Variants in MTUS2 observed in about 807,000 individuals in gnomAD.
MTUS2 encodes the protein microtubule associated scaffold protein 2.
Under a neutral mutation model 114.1 loss-of-function variants are expected in MTUS2, and 40 were observed. The ratio of observed to expected loss-of-function variants is 0.35; its 90% CI spans 0.27 to 0.46. The LOEUF (loss-of-function observed/expected upper bound fraction) is 0.46, where lower values mean the gene tolerates loss of function less well. Ranked by LOEUF, MTUS2 falls within the 20% of genes least tolerant of loss-of-function variation. The pLI, the probability that MTUS2 is intolerant of heterozygous loss-of-function variation, is 1.00. For synonymous variants in MTUS2, 688 were observed against 672.0 expected (o/e 1.02, Z -0.37); for missense variants, 1,679 against 1,705.4 (o/e 0.98, Z 0.27).
intron 5 of MTUS2, among the ~76,000 whole-genome samples, chr13:29,281,324 A>G (rs1898256667): frequency 6.6e-6 from 1 of 152,056 alleles, no homozygotes; most frequent in Admixed American, 6.6e-5. Context: ...AAGGCTCTTC[A>G]TTCTGAGTTA....
intron 1 of MTUS2, among the ~76,000 whole-genome samples, chr13:28,831,611 T>C (rs748199888): frequency 2.0e-5 from 3 of 152,184 alleles, no homozygotes; most frequent in Non-Finnish European, 4.4e-5. Context: ...TGAGCATGCA[T>C]GTATTTAACA....
chr13:28,878,223 G>A (rs9508181), intron 2 of MTUS2, among the ~76,000 whole-genome samples: 5 of 102,418 alleles, frequency 4.9e-5, no homozygotes, highest in African/African-American at 1.3e-4. Context: ...ATATATATGT[G>A]TGTGTGTGTG....
At chr13:29,046,047 C>G (rs1014385114) in intron 4 of MTUS2, among the ~76,000 whole-genome samples, 5 of 152,068 alleles carry the variant, frequency 3.3e-5, no homozygotes, top group African/African-American at 1.2e-4. Context: ...ACAAATGACT[C>G]TACCTGCTGC....
Position 29,473,604 on chromosome 13 carries a change from A to G in MTUS2, c.3185-6546A>G, listed in dbSNP as rs535442101. Among the ~76,000 whole-genome samples the G allele has an allele frequency of 1.1e-4, 17 of 152,308 alleles. No individual in the cohort carries two copies. In the South Asian group the frequency reaches 3.5e-3, roughly 32 times the overall value. ...GGAGGATGTTCAGAATGCAGTTTTA[A>G]TAATATTTTAGGTATTTTTATATCA... is the stretch of plus-strand genomic sequence containing the variant. On this transcript the variant is annotated intron_variant, in intron 9 of 15. Transcript: ENST00000612955.
At chr13:28,952,968 A>G (rs928035530) in intron 2 of MTUS2, among the ~76,000 whole-genome samples, 6 of 152,218 alleles carry the variant, frequency 3.9e-5, no homozygotes, top group Non-Finnish European at 8.8e-5. Flanking sequence ...ACCTTTAGCA[A>G]TAGCTATTGC....
At chr13:29,306,059 C>G (rs1899436657) in intron 6 of MTUS2, among the ~76,000 whole-genome samples, 2 of 152,128 alleles carry the variant, frequency 1.3e-5, no homozygotes, top group African/African-American at 2.4e-5. Flanking sequence ...CTAATAGATT[C>G]AGAAAAGGCC....
In MTUS2 at chr13:29,178,858, G is replaced by A. The variant is rs565827555; in HGVS notation, c.2644+77888G>A. Among the ~76,000 whole-genome samples the A allele has an allele frequency of 2.4e-4, 37 of 152,202 alleles. 1 individual carries two copies. The South Asian group carries it at 6.7e-3, about 27-fold the overall frequency. On this transcript the variant is annotated intron_variant, in intron 5 of 15. Coordinates refer to ENST00000612955, the MANE Select transcript of MTUS2 (RefSeq NM_001033602.4). Reference sequence around the variant, plus strand: ...GGCATGAAACATGGGAAAATCTGGTGGGATTTTAGAAGATTTAGTAAGACT... The same window carrying A: ...GGCATGAAACATGGGAAAATCTGGTAGGATTTTAGAAGATTTAGTAAGACT...
chr13:29,358,694 G>A (rs1156462331), intron 7 of MTUS2, among the ~76,000 whole-genome samples: 1 of 152,198 alleles, frequency 6.6e-6, no homozygotes, highest in African/African-American at 2.4e-5. Flanking sequence ...GGAGGGATGT[G>A]TTGCAGGAGA....
intron 7 of MTUS2, among the ~76,000 whole-genome samples, chr13:29,336,873 T>A (rs1438464935): frequency 6.6e-6 from 1 of 152,236 alleles, no homozygotes; most frequent in Non-Finnish European, 1.5e-5. Flanking sequence ...GCAGTCTGGC[T>A]ACAGCGGCTT....
intron 2 of MTUS2, among the ~76,000 whole-genome samples, chr13:28,898,663 C>T (rs1331715955): frequency 6.6e-6 from 1 of 152,226 alleles, no homozygotes; most frequent in Non-Finnish European, 1.5e-5. Flanking sequence ...CTGACAATTA[C>T]ACCAGAACTT....
intron 2 of MTUS2, among the ~76,000 whole-genome samples, chr13:28,926,050 A>G (rs1207496514): frequency 6.6e-6 from 1 of 152,220 alleles, no homozygotes; most frequent in Non-Finnish European, 1.5e-5. Context: ...GCTTTGCTTC[A>G]GCCTCTTCTG....
At position 29,252,737 on chromosome 13, in the gene MTUS2, C is replaced by T. The variant is rs112699946; in HGVS notation, c.2645-28967C>T. The stretch of plus-strand genomic sequence containing the variant: ...AATAAGTCTCACGAGATCCCTCATA[C>T]TGTTCTCATGGTAGTGAATAAGTCT... On this transcript the variant is annotated intron_variant, in intron 5 of 15. Transcript: ENST00000612955. 3.9e-3 allele frequency among the ~76,000 whole-genome samples: 594 copies of T among 152,188 alleles called. 2 individuals carry two copies. The highest frequency in any genetic ancestry group is 0.013 in the African/African-American group (549 of 41,476).
intron 4 of MTUS2, among the ~76,000 whole-genome samples, chr13:29,039,835 C>T (rs1223325325): frequency 6.6e-6 from 1 of 152,150 alleles, no homozygotes; most frequent in Non-Finnish European, 1.5e-5. Context: ...AAAATGGAGT[C>T]ATCAAGTTTT....
Position 28,957,362 on chromosome 13 carries a change from C to T in MTUS2, c.-242-67095C>T, listed in dbSNP as rs1345130467. ...CAAAGTTTATCATAAGTCAGTAAAG[C>T]GGGGGATACTTTCCTTATTCTATTA... On this transcript the variant is annotated intron_variant, in intron 2 of 15. Transcript: ENST00000612955. Among the ~76,000 whole-genome samples, 6 of 152,226 alleles carry T rather than the reference C, an allele frequency of 3.9e-5. No homozygotes were observed. The East Asian group carries it at 9.7e-4, about 25-fold the overall frequency.
At chr13:28,947,207 G>C (rs551918538) in intron 2 of MTUS2, among the ~76,000 whole-genome samples, 72 of 152,084 alleles carry the variant, frequency 4.7e-4, no homozygotes, top group Non-Finnish European at 8.2e-4. Flanking sequence ...GGGCTTTTAT[G>C]TTTTGGCTGT....
rs575336673 is a variant in MTUS2, at chr13:29,222,215, A to T, written c.2645-59489A>T. ...GGTTAACTGCTGTGTCATTGATTTTACTTGTGTGTAGGCTTGTTTCTGAGC... is the reference window on the plus strand; with the variant it reads ...GGTTAACTGCTGTGTCATTGATTTTTCTTGTGTGTAGGCTTGTTTCTGAGC... On this transcript the variant is annotated intron_variant, in intron 5 of 15. Transcript: ENST00000612955. Among the ~76,000 whole-genome samples the T allele has an allele frequency of 1.1e-4, 17 of 152,226 alleles. 1 individual carries two copies. The highest frequency in any genetic ancestry group is 4.1e-4 in the African/African-American group (17 of 41,536).
At chr13:29,299,551 A>G (rs751699719) in intron 6 of MTUS2, among the ~76,000 whole-genome samples, 6 of 152,162 alleles carry the variant, frequency 3.9e-5, no homozygotes, top group Non-Finnish European at 7.4e-5. Context: ...AAGTGCTGTG[A>G]AAGGGAAATG....
intron 2 of MTUS2, among the ~76,000 whole-genome samples, chr13:28,982,595 A>C (rs1450948177): frequency 1.3e-5 from 2 of 152,210 alleles, no homozygotes; most frequent in Non-Finnish European, 2.9e-5. Context: ...CATTATTCAC[A>C]ATGGCCAAGA....
At chr13:29,307,134 C>A in intron 6 of MTUS2, 1 of 480,392 alleles carries the variant, frequency 2.1e-6, no homozygotes, top group Non-Finnish European at 4.0e-6. Context: ...CCAAAAGGGT[C>A]ATCCTTTCTG....
Sources: gnomAD v4.1 joint callset for allele counts (sites outside exome capture counted in the v4.1 genomes callset) on GRCh38, gnomAD v4.1.1 for gene constraint, MANE v1.5 for transcripts, NCBI Gene and HGNC (gene_info 2026-07-23, HGNC 2026-07-21) for gene names.